MYO19: variants seen among roughly 807,000 people sequenced by gnomAD.
The protein encoded by MYO19 is unconventional myosin-XIX.
In MYO19, 132 loss-of-function variants were observed where a neutral mutation model predicts 129.2. The ratio of observed to expected loss-of-function variants is 1.02; its 90% CI spans 0.89 to 1.18. MYO19 has a LOEUF of 1.18. MYO19 is among the 50% of genes most tolerant of loss of function. The pLI is 0.00. For missense variants in MYO19, 1,210 were observed against 1,216.7 expected (o/e 0.99, Z 0.08); for synonymous variants, 531 against 477.2 (o/e 1.11, Z -1.47).
upstream of MYO19, among the ~76,000 whole-genome samples, chr17:36,543,752 G>A (rs2074215393): frequency 1.3e-5 from 2 of 152,100 alleles, no homozygotes; most frequent in South Asian, 4.1e-4. Context: ...AGCCTCCCTA[G>A]TAGCTGGGAT....
At chr17:36,496,475 G>C in intron 25 of MYO19, 69 bp from the exon 26 acceptor site, 2 of 1,495,272 alleles carry the variant, frequency 1.3e-6, no homozygotes, top group South Asian at 1.2e-5. Context: ...CAACCCCACA[G>C]AGCAGACGCT....
chr17:36,502,331 A>T (rs915384987), intron 21 of MYO19, among the ~76,000 whole-genome samples: 12 of 152,160 alleles, frequency 7.9e-5, no homozygotes, highest in African/African-American at 2.9e-4. Context: ...GACCTGCAGG[A>T]CAAGTCACCC....
intron 6 of MYO19, among the ~76,000 whole-genome samples, chr17:36,522,537 G>A (rs1007107760): frequency 6.6e-6 from 1 of 151,484 alleles, no homozygotes; most frequent in Non-Finnish European, 1.5e-5. Context: ...AATAGAATAT[G>A]GTTCATAAAA....
At chr17:36,542,061 CT>C (rs2074200229) in intron 2 of MYO19, 1 of 152,112 alleles carries the variant, frequency 6.6e-6, no homozygotes, top group Non-Finnish European at 1.5e-5. Context: ...AGGCTACCTC[CT>C]TGAGAAACAG....
intron 6 of MYO19, among the ~76,000 whole-genome samples, chr17:36,519,247 T>C (rs1034933182): frequency 1.2e-4 from 19 of 152,236 alleles, no homozygotes; most frequent in Admixed American, 1.1e-3. Context: ...TTTTACTTCA[T>C]GTATTTTGAA....
intron 20 of MYO19, 69 bp downstream of exon 20, chr17:36,503,881 T>C: frequency 7.7e-7 from 1 of 1,303,668 alleles, no homozygotes; most frequent in Non-Finnish European, 1.0e-6. Flanking sequence ...GGGCAGGCTC[T>C]TGCCCAATGA....
At chr17:36,525,658 G>A (rs1273823654) in intron 5 of MYO19, among the ~76,000 whole-genome samples, 2 of 152,096 alleles carry the variant, frequency 1.3e-5, no homozygotes, top group Non-Finnish European at 2.9e-5. Context: ...TTTGCAATTT[G>A]CAAAGTTCGT....
intron 19 of MYO19, 135 bp from the exon 20 acceptor site, chr17:36,504,155 G>T (rs1437628389): frequency 8.2e-6 from 5 of 607,870 alleles, no homozygotes; most frequent in East Asian, 6.2e-5. Context: ...GCTAATGGGG[G>T]TATCTCCTTG....
chr17:36,537,484 C>T, upstream of MYO19: 1 of 1,614,142 alleles, frequency 6.2e-7, no homozygotes. Context: ...TACAATCCAG[C>T]CATCTCCTGT....
intron 2 of MYO19, among the ~76,000 whole-genome samples, chr17:36,541,126 T>C (rs2142631806): frequency 6.6e-6 from 1 of 152,106 alleles, no homozygotes; most frequent in East Asian, 1.9e-4. Context: ...TTTTTGTATT[T>C]TTATTAGAGA....
At chr17:36,508,160 A>G in intron 14 of MYO19, 2 of 379,778 alleles carry the variant, frequency 5.3e-6, no homozygotes, top group Non-Finnish European at 9.4e-6. Flanking sequence ...CAGGAAACCC[A>G]AATGAAGTGT....
rs567169951 is a variant in MYO19 at position 36,521,639 on chromosome 17, G to C, written c.414+3589C>G. Among the ~76,000 whole-genome samples the C allele has an allele frequency of 2.6e-5, 4 of 152,236 alleles. No homozygotes were observed. In the East Asian group the frequency reaches 7.7e-4, roughly 29 times the overall value. On this transcript the variant is annotated intron_variant, in intron 6 of 25. Coordinates refer to ENST00000614623, the MANE Select transcript of MYO19 (RefSeq NM_001163735.2). ...TACCCAGCATAATAAGTGAAGAAAGGCTATACCACAACACAGCACTGTGAA... is the reference window on the plus strand; with the variant it reads ...TACCCAGCATAATAAGTGAAGAAAGCCTATACCACAACACAGCACTGTGAA...
upstream of MYO19, chr17:36,537,032 T>TA: frequency 2.2e-6 from 3 of 1,391,620 alleles, no homozygotes; most frequent in Non-Finnish European, 2.9e-6. Context: ...TTAAGCCAGG[T>TA]ATGCTAATTA....
Position 36,507,345 on chromosome 17 carries a change from C to T in MYO19, c.1467+54G>A. 1.9e-6 allele frequency: 3 copies of T among 1,542,852 alleles called. No homozygotes were observed. In the South Asian group the frequency reaches 3.3e-5, roughly 17 times the overall value. On this transcript the variant is annotated intron_variant, in intron 16 of 25. Coordinates refer to ENST00000614623, the MANE Select transcript of MYO19 (RefSeq NM_001163735.2). ...AGGAAACAGGATAATCATCAAGGCC[C>T]CAGAAAACCCAAAGGCCAACTCTGG...
intron 25 of MYO19, among the ~76,000 whole-genome samples, chr17:36,497,282 G>A (rs1220153708): frequency 2.7e-5 from 4 of 150,136 alleles, no homozygotes; most frequent in Admixed American, 6.6e-5. Context: ...CATCCTGGGC[G>A]ACAGAGTGAG....
At chr17:36,515,266 C>A in intron 7 of MYO19, 84 bp from the exon 8 acceptor site, 1 of 1,284,858 alleles carries the variant, frequency 7.8e-7, no homozygotes. Flanking sequence ...CTCTGGAGGT[C>A]ATGTTCCCGT....
chr17:36,530,791 T>C (rs1350272454), intron 3 of MYO19, among the ~76,000 whole-genome samples: 2 of 152,168 alleles, frequency 1.3e-5, no homozygotes, highest in Non-Finnish European at 2.9e-5. Context: ...TGGCTAGTTT[T>C]TGTATTTTTA....
intron 19 of MYO19, chr17:36,504,950 G>T: frequency 6.3e-6 from 2 of 317,324 alleles, no homozygotes; most frequent in Non-Finnish European, 1.2e-5. Flanking sequence ...GATACCTCCA[G>T]TGAGAAATGG....
intron 21 of MYO19, among the ~76,000 whole-genome samples, chr17:36,502,500 C>T (rs954839986): frequency 6.6e-6 from 1 of 152,142 alleles, no homozygotes; most frequent in Non-Finnish European, 1.5e-5. Flanking sequence ...ACTGTGCCCA[C>T]AATTCTTGTT....
Sources: allele counts gnomAD v4.1 joint callset (sites outside exome capture counted in the v4.1 genomes callset), GRCh38; gene constraint gnomAD v4.1.1; transcripts MANE v1.5; gene names NCBI Gene and HGNC (gene_info 2026-07-23, HGNC 2026-07-21).